NXPH1: variants seen among roughly 807,000 people sequenced by gnomAD.
NXPH1 encodes the protein neurexophilin-1.
NXPH1 carries 5 observed loss-of-function variants against 23.7 expected under a neutral mutation model. The ratio of observed to expected loss-of-function variants is 0.21; its 90% CI spans 0.11 to 0.44. NXPH1 has a LOEUF of 0.44. NXPH1 is among the 20% of genes least tolerant of loss of function. The probability of loss-of-function intolerance (pLI) is 0.99; values close to 1 mark genes in which losing one functional copy is unlikely to be tolerated. For missense variants in NXPH1, 324 were observed against 321.6 expected, an observed-to-expected ratio of 1.01 and a Z score of -0.06; for synonymous variants, 144 against 122.2, an observed-to-expected ratio of 1.18 and a Z score of -1.18.
In NXPH1 at chr7:8,739,844, G is replaced by C. The variant is rs936361099; in HGVS notation, c.55-11164G>C. On this transcript the variant is annotated intron_variant, in intron 2 of 2. Coordinates refer to ENST00000405863, the MANE Select transcript of NXPH1 (RefSeq NM_152745.3). Reference sequence around the variant, plus strand: ...CTTTTTAAACATTTTTAAAAATGAAGACACAAGCACACATATTAGCCTAGG... The same window carrying C: ...CTTTTTAAACATTTTTAAAAATGAACACACAAGCACACATATTAGCCTAGG... 4.6e-5 allele frequency among the ~76,000 whole-genome samples: 7 copies of C among 151,894 alleles called. No homozygotes were observed. The East Asian group carries it at 1.4e-3, about 29-fold the overall frequency.
At chr7:8,601,956 A>G (rs893003197) in intron 2 of NXPH1, among the ~76,000 whole-genome samples, 3 of 152,226 alleles carry the variant, frequency 2.0e-5, no homozygotes, top group Non-Finnish European at 2.9e-5. Flanking sequence ...CAATACTGAA[A>G]GTTAAATACT....
chr7:8,438,545 C>T (rs1009170832), intron 2 of NXPH1, among the ~76,000 whole-genome samples: 3 of 152,214 alleles, frequency 2.0e-5, no homozygotes, highest in Non-Finnish European at 4.4e-5. Flanking sequence ...TCTCAGTGCA[C>T]CTTGACCTTT....
intron 2 of NXPH1, among the ~76,000 whole-genome samples, chr7:8,630,515 G>C (rs1056783782): frequency 6.6e-6 from 1 of 152,074 alleles, no homozygotes; most frequent in African/African-American, 2.4e-5. Flanking sequence ...CAGAACTAAA[G>C]ACAGTTGGCA....
At chr7:8,467,661 C>A (rs1816806711) in intron 2 of NXPH1, among the ~76,000 whole-genome samples, 1 of 152,166 alleles carries the variant, frequency 6.6e-6, no homozygotes, top group Non-Finnish European at 1.5e-5. Flanking sequence ...TTGGGTCTAG[C>A]ATCTTTAGAT....
intron 2 of NXPH1, among the ~76,000 whole-genome samples, chr7:8,519,089 A>G (rs1171429761): frequency 6.6e-6 from 1 of 152,118 alleles, no homozygotes; most frequent in Admixed American, 6.6e-5. Context: ...CTTTGTTCTG[A>G]AGAATCAAGC....
At position 8,633,699 on chromosome 7, in the gene NXPH1, G is replaced by T. The variant is rs140391292; in HGVS notation, c.55-117309G>T. On this transcript the variant is annotated intron_variant, in intron 2 of 2. Coordinates refer to ENST00000405863, the MANE Select transcript of NXPH1 (RefSeq NM_152745.3). ...CAATTACCCAGAAGACCTGAAAAAA[G>T]AATTCGTAATTTTTATACAGCCCAT... Among the ~76,000 whole-genome samples, 425 of 152,192 alleles carry T rather than the reference G, an allele frequency of 2.8e-3. 1 individual carries two copies. Among genetic ancestry groups the T allele is most frequent in the African/African-American group, 9.5e-3 (394 of 41,536 alleles).
intron 2 of NXPH1, among the ~76,000 whole-genome samples, chr7:8,514,998 A>G (rs1563332853): frequency 6.6e-6 from 1 of 152,072 alleles, no homozygotes; most frequent in Non-Finnish European, 1.5e-5. Flanking sequence ...CTCCCTTCCC[A>G]AAGAACATTA....
chr7:8,632,862 A>G (rs1357416269), intron 2 of NXPH1, among the ~76,000 whole-genome samples: 1 of 152,232 alleles, frequency 6.6e-6, no homozygotes, highest in Non-Finnish European at 1.5e-5. Flanking sequence ...TTAGATGAGC[A>G]TTCTAATAAT....
intron 2 of NXPH1, among the ~76,000 whole-genome samples, chr7:8,574,480 C>T (rs188270173): frequency 6.6e-6 from 1 of 152,100 alleles, no homozygotes; most frequent in East Asian, 1.9e-4. Flanking sequence ...TCAGTCTAGT[C>T]AATAGGTTGT....
chr7:8,661,541 A>T (rs1430111695), intron 2 of NXPH1, among the ~76,000 whole-genome samples: 2 of 152,092 alleles, frequency 1.3e-5, no homozygotes, highest in Non-Finnish European at 2.9e-5. Context: ...AAGAGGGGAG[A>T]GGAAGGGGCT....
chr7:8,597,873 C>G (rs920467815), intron 2 of NXPH1, among the ~76,000 whole-genome samples: 1 of 152,108 alleles, frequency 6.6e-6, no homozygotes, highest in Non-Finnish European at 1.5e-5. Context: ...GCCCTTTTAG[C>G]AAACAAGTGG....
At chr7:8,462,582 C>G (rs909273738) in intron 2 of NXPH1, among the ~76,000 whole-genome samples, 4 of 152,194 alleles carry the variant, frequency 2.6e-5, no homozygotes, top group Non-Finnish European at 5.9e-5. Flanking sequence ...GCTCCACAGA[C>G]TGCTCTTAAC....
At chr7:8,635,247 A>G (rs774770012) in intron 2 of NXPH1, among the ~76,000 whole-genome samples, 7 of 152,216 alleles carry the variant, frequency 4.6e-5, no homozygotes, top group Non-Finnish European at 1.0e-4. Flanking sequence ...AATGACAGCT[A>G]TTAGCAGGCT....
chr7:8,461,900 C>T (rs1816703574), intron 2 of NXPH1, among the ~76,000 whole-genome samples: 1 of 151,082 alleles, frequency 6.6e-6, no homozygotes. Flanking sequence ...ACTCAAACAC[C>T]ATTTAACACA....
chr7:8,451,218 A>G (rs1387603046), intron 2 of NXPH1, among the ~76,000 whole-genome samples: 1 of 151,796 alleles, frequency 6.6e-6, no homozygotes, highest in Non-Finnish European at 1.5e-5. Flanking sequence ...CAGCCAACAG[A>G]CTTGGGAAGT....
chr7:8,444,999 T>C (rs1464061028), intron 2 of NXPH1, among the ~76,000 whole-genome samples: 1 of 152,232 alleles, frequency 6.6e-6, no homozygotes, highest in Non-Finnish European at 1.5e-5. Flanking sequence ...AACACAATAC[T>C]AGGACTGTAT....
intron 2 of NXPH1, among the ~76,000 whole-genome samples, chr7:8,581,220 A>G (rs62448098): frequency 3.3e-5 from 5 of 152,156 alleles, no homozygotes; most frequent in Non-Finnish European, 7.3e-5. Context: ...AAAGACATCT[A>G]TGTATCAGGC....
intron 2 of NXPH1, among the ~76,000 whole-genome samples, chr7:8,482,183 G>A (rs1261026076): frequency 6.6e-6 from 1 of 152,176 alleles, no homozygotes; most frequent in African/African-American, 2.4e-5. Flanking sequence ...AACAGCTGGG[G>A]CTAAATTGCA....
At chr7:8,474,851 C>T (rs1816942150) in intron 2 of NXPH1, among the ~76,000 whole-genome samples, 1 of 152,122 alleles carries the variant, frequency 6.6e-6, no homozygotes, top group African/African-American at 2.4e-5. Context: ...TTCCCTCTCA[C>T]CTGGAATTTA....
Sources: gnomAD v4.1 joint callset for allele counts (sites outside exome capture counted in the v4.1 genomes callset) on GRCh38, gnomAD v4.1.1 for gene constraint, MANE v1.5 for transcripts, NCBI Gene and HGNC (gene_info 2026-07-23, HGNC 2026-07-21) for gene names.